Variants in ME1 observed in about 807,000 individuals in gnomAD.
ME1 encodes NADP-dependent malic enzyme.
Under a neutral mutation model 66.4 loss-of-function variants are expected in ME1, and 74 were observed. That is an observed-to-expected ratio of 1.11 (90% CI 0.92 to 1.35). ME1 has a LOEUF of 1.35. Ranked by LOEUF, ME1 falls within the 40% of genes most tolerant of loss-of-function variation. The pLI, the probability that ME1 is intolerant of heterozygous loss-of-function variation, is 0.00. For synonymous variants in ME1, 251 were observed against 235.6 expected, an observed-to-expected ratio of 1.07 and a Z score of -0.60; for missense variants, 750 against 694.1, an observed-to-expected ratio of 1.08 and a Z score of -0.90.
intron 3 of ME1, among the ~76,000 whole-genome samples, chr6:83,367,352 C>G (rs1324316167): frequency 6.6e-6 from 1 of 152,152 alleles, no homozygotes; most frequent in Admixed American, 6.5e-5. Context: ...GAGTCACCAG[C>G]TGCATTTGGC....
At chr6:83,412,671 AC>A (rs1361399809) in intron 1 of ME1, among the ~76,000 whole-genome samples, 5 of 129,424 alleles carry the variant, frequency 3.9e-5, no homozygotes, top group African/African-American at 1.2e-4. Flanking sequence ...CAGTAAAAAA[AC>A]AAAACTATTG....
chr6:83,373,221 C>A (rs1019238003), intron 3 of ME1, among the ~76,000 whole-genome samples: 6 of 149,144 alleles, frequency 4.0e-5, no homozygotes, highest in Non-Finnish European at 8.9e-5. Context: ...CCAAACCAAG[C>A]ATTTTTAGTA....
chr6:83,249,186 C>T (rs1790676732), intron 7 of ME1, among the ~76,000 whole-genome samples: 1 of 151,870 alleles, frequency 6.6e-6, no homozygotes, highest in South Asian at 2.1e-4. Flanking sequence ...TATATAGCTG[C>T]CATACTAAAT....
chr6:83,411,666 T>C (rs999140724), intron 1 of ME1, among the ~76,000 whole-genome samples: 1 of 152,218 alleles, frequency 6.6e-6, no homozygotes, highest in Admixed American at 6.5e-5. Context: ...CAACAAAGGA[T>C]AATTAACCCA....
intron 3 of ME1, among the ~76,000 whole-genome samples, chr6:83,375,664 C>T (rs897286367): frequency 6.2e-4 from 94 of 152,266 alleles, no homozygotes; most frequent in African/African-American, 2.3e-3. Flanking sequence ...GCATCCTTGT[C>T]TCATGCCAGT....
At chr6:83,388,927 G>A (rs1468264625) in intron 3 of ME1, among the ~76,000 whole-genome samples, 1 of 151,994 alleles carries the variant, frequency 6.6e-6, no homozygotes, top group Non-Finnish European at 1.5e-5. Context: ...ACCAGCCTGG[G>A]CAACATGGTG....
intron 6 of ME1, among the ~76,000 whole-genome samples, chr6:83,268,199 A>G (rs1040370311): frequency 6.6e-6 from 1 of 152,172 alleles, no homozygotes; most frequent in African/African-American, 2.4e-5. Context: ...AAATAAAAAA[A>G]TTGATATTTA....
At chr6:83,384,591 G>C (rs1769473903) in intron 3 of ME1, among the ~76,000 whole-genome samples, 1 of 151,810 alleles carries the variant, frequency 6.6e-6, no homozygotes, top group East Asian at 1.9e-4. Flanking sequence ...CTCCCAATCT[G>C]TAGGTTGTCT....
intron 3 of ME1, among the ~76,000 whole-genome samples, chr6:83,365,612 C>A (rs957096140): frequency 7.2e-5 from 11 of 152,170 alleles, no homozygotes; most frequent in Non-Finnish European, 7.3e-5. Flanking sequence ...GTAAGCCCAG[C>A]ACTTTAGGAG....
At chr6:83,263,525 A>T (rs548116819) in intron 6 of ME1, among the ~76,000 whole-genome samples, 1 of 152,278 alleles carries the variant, frequency 6.6e-6, no homozygotes, top group South Asian at 2.1e-4. Context: ...ATGATAAGAA[A>T]GCAAAAAAAG....
At chr6:83,368,904 C>A (rs1029441173) in intron 3 of ME1, among the ~76,000 whole-genome samples, 1 of 152,050 alleles carries the variant, frequency 6.6e-6, no homozygotes, top group African/African-American at 2.4e-5. Flanking sequence ...CCTGAACTTG[C>A]CATAGAAAAT....
intron 3 of ME1, among the ~76,000 whole-genome samples, chr6:83,379,723 T>G (rs1769360286): frequency 6.6e-6 from 1 of 152,094 alleles, no homozygotes; most frequent in Admixed American, 6.6e-5. Flanking sequence ...GTTATAACAT[T>G]AAACCAATTA....
intron 1 of ME1, among the ~76,000 whole-genome samples, chr6:83,423,349 T>C (rs1217531380): frequency 2.0e-5 from 3 of 151,980 alleles, no homozygotes; most frequent in Admixed American, 2.0e-4. Context: ...TAAAAAAATG[T>C]TAGAGGACAT....
intron 6 of ME1, among the ~76,000 whole-genome samples, chr6:83,285,705 G>A (rs942600580): frequency 6.6e-6 from 1 of 152,150 alleles, no homozygotes; most frequent in Admixed American, 6.5e-5. Context: ...AGGTGGGAGT[G>A]CACCTGAAGT....
intron 3 of ME1, among the ~76,000 whole-genome samples, chr6:83,383,111 T>C (rs1769437582): frequency 6.6e-6 from 1 of 151,770 alleles, no homozygotes; most frequent in Non-Finnish European, 1.5e-5. Flanking sequence ...CCTTAAAATG[T>C]ATACACACAT....
intron 9 of ME1, among the ~76,000 whole-genome samples, chr6:83,232,108 A>C (rs1277927204): frequency 6.6e-6 from 1 of 152,268 alleles, no homozygotes; most frequent in South Asian, 2.1e-4. Flanking sequence ...TTAATTCTAG[A>C]TTACCAGTGA....
At chr6:83,393,442 G>A (rs1286581653) in intron 3 of ME1, 5 of 581,832 alleles carry the variant, frequency 8.6e-6, no homozygotes, top group African/African-American at 1.9e-5. Flanking sequence ...GCGACAGCAC[G>A]ACGGGAAGAG....
intron 2 of ME1, among the ~76,000 whole-genome samples, chr6:83,405,643 G>A (rs1038487428): frequency 2.0e-5 from 3 of 151,230 alleles, no homozygotes; most frequent in Admixed American, 6.6e-5. Context: ...CTGTGGGTTT[G>A]TCATAAACAG....
intron 1 of ME1, among the ~76,000 whole-genome samples, chr6:83,420,254 G>A (rs763638491): frequency 6.6e-6 from 1 of 152,128 alleles, no homozygotes; most frequent in Non-Finnish European, 1.5e-5. Context: ...TTTTAGTAGA[G>A]ATGGAATTTC....
Sources: gnomAD v4.1 joint callset for allele counts (sites outside exome capture counted in the v4.1 genomes callset) on GRCh38, gnomAD v4.1.1 for gene constraint, MANE v1.5 for transcripts, NCBI Gene and HGNC (gene_info 2026-07-23, HGNC 2026-07-21) for gene names.